Variants in CNTN4 observed in about 807,000 individuals in gnomAD.
CNTN4 encodes contactin-4.
Under a neutral mutation model 122.5 loss-of-function variants are expected in CNTN4, and 77 were observed. The observed-to-expected ratio is 0.63, with a 90% CI of 0.52 to 0.76. The LOEUF (loss-of-function observed/expected upper bound fraction) is 0.76, where lower values mean the gene tolerates loss of function less well. Ranked by LOEUF, CNTN4 falls within the 30% of genes least tolerant of loss-of-function variation. The pLI is 0.00. For missense variants in CNTN4, 1,256 were observed against 1,259.1 expected (o/e 1.00, Z 0.04); for synonymous variants, 512 against 447.0 (o/e 1.15, Z -1.83).
At position 2,692,029 on chromosome 3, in the gene CNTN4, T is replaced by C. The variant is rs552583801; in HGVS notation, c.56-44186T>C. On this transcript the variant is annotated intron_variant, in intron 4 of 24. Transcript: ENST00000418658. ...ATGTCAACACCCTGCGTCCTTGTTA[T>C]TGTTAGGCAGCAGTATGCAATCCAC... is the stretch of plus-strand genomic sequence containing the variant. Among the ~76,000 whole-genome samples, 19 of 152,328 alleles carry C rather than the reference T, an allele frequency of 1.2e-4. No homozygotes were observed. In the South Asian group the frequency reaches 3.5e-3, roughly 28 times the overall value.
intron 3 of CNTN4, among the ~76,000 whole-genome samples, chr3:2,570,693 C>T (rs895885698): frequency 6.6e-6 from 1 of 152,186 alleles, no homozygotes; most frequent in Non-Finnish European, 1.5e-5. Context: ...CACAGCTTCA[C>T]TCAGTTACTC....
intron 2 of CNTN4, among the ~76,000 whole-genome samples, chr3:2,224,198 A>G (rs911094018): frequency 2.0e-5 from 3 of 152,126 alleles, no homozygotes; most frequent in Non-Finnish European, 4.4e-5. Context: ...ATGCCAAAGA[A>G]ATATATTTTA....
chr3:2,915,438 C>T (rs188249765), intron 12 of CNTN4, among the ~76,000 whole-genome samples: 4 of 152,294 alleles, frequency 2.6e-5, no homozygotes, highest in Non-Finnish European at 4.4e-5. Context: ...TAATGAAAGC[C>T]TTATATGAAA....
At chr3:2,222,680 A>G (rs1021336152) in intron 2 of CNTN4, among the ~76,000 whole-genome samples, 15 of 152,114 alleles carry the variant, frequency 9.9e-5, no homozygotes, top group African/African-American at 2.9e-4. Context: ...CACACACCCC[A>G]GGGTACCAAA....
At chr3:2,472,141 G>A (rs1435037288) in intron 3 of CNTN4, among the ~76,000 whole-genome samples, 3 of 135,818 alleles carry the variant, frequency 2.2e-5, no homozygotes, top group Non-Finnish European at 3.1e-5. Context: ...CAACAAGAGC[G>A]AAATTCCATC....
intron 2 of CNTN4, among the ~76,000 whole-genome samples, chr3:2,255,263 G>C (rs1158405970): frequency 1.3e-5 from 2 of 151,670 alleles, no homozygotes; most frequent in Non-Finnish European, 2.9e-5. Flanking sequence ...TTTGGTACCA[G>C]TACCGTGCTG....
At chr3:2,407,311 T>G (rs1465657556) in intron 3 of CNTN4, among the ~76,000 whole-genome samples, 1 of 152,316 alleles carries the variant, frequency 6.6e-6, no homozygotes, top group South Asian at 2.1e-4. Flanking sequence ...AAATACCTTC[T>G]GAGAAACCCA....
chr3:2,951,332 G>A lies in CNTN4; in HGVS notation c.1358+25553G>A, dbSNP rs1202422655. Among the ~76,000 whole-genome samples, 6 of 152,292 alleles carry A rather than the reference G, an allele frequency of 3.9e-5. No homozygotes were observed. The East Asian group carries it at 9.6e-4, about 24-fold the overall frequency. On this transcript the variant is annotated intron_variant, in intron 13 of 24. Coordinates refer to ENST00000418658, the MANE Select transcript of CNTN4 (RefSeq NM_175607.3). ...GGCATTAGATTCTCATAAGGGGCAT[G>A]CAACCTCTAGATCCCTCAAATGCAC...
chr3:2,828,253 A>G (rs1206925932), intron 7 of CNTN4, among the ~76,000 whole-genome samples: 3 of 152,116 alleles, frequency 2.0e-5, no homozygotes, highest in Non-Finnish European at 4.4e-5. Flanking sequence ...CTTGGCCACC[A>G]CTGAGAGAGC....
chr3:3,027,434 G>A (rs1698821382), intron 15 of CNTN4, among the ~76,000 whole-genome samples: 1 of 152,124 alleles, frequency 6.6e-6, no homozygotes, highest in African/African-American at 2.4e-5. Flanking sequence ...TCTTTCACAT[G>A]GTTCAGCTTA....
At chr3:2,727,988 C>G (rs1424313909) in intron 4 of CNTN4, among the ~76,000 whole-genome samples, 1 of 152,164 alleles carries the variant, frequency 6.6e-6, no homozygotes, top group African/African-American at 2.4e-5. Context: ...AGCTGAACAA[C>G]CAAATAGAAT....
intron 4 of CNTN4, among the ~76,000 whole-genome samples, chr3:2,639,500 C>T (rs116662686): frequency 0.017 from 2,598 of 152,306 alleles, 63 homozygotes; most frequent in African/African-American, 0.059. Context: ...ATGGAGCTCC[C>T]TTACCCTGTT....
At chr3:3,020,927 G>T (rs1375147913) in intron 14 of CNTN4, among the ~76,000 whole-genome samples, 1 of 152,170 alleles carries the variant, frequency 6.6e-6, no homozygotes, top group African/African-American at 2.4e-5. Flanking sequence ...TTCCTAGTAA[G>T]CTGTAGTCTG....
intron 2 of CNTN4, among the ~76,000 whole-genome samples, chr3:2,125,716 C>T (rs1297009250): frequency 6.6e-6 from 1 of 151,796 alleles, no homozygotes; most frequent in Non-Finnish European, 1.5e-5. Context: ...TGCCACCATG[C>T]CCGGCAAATT....
At chr3:2,507,482 C>T (rs1376872053) in intron 3 of CNTN4, among the ~76,000 whole-genome samples, 1 of 151,822 alleles carries the variant, frequency 6.6e-6, no homozygotes, top group African/African-American at 2.4e-5. Context: ...CTGGTAGGCC[C>T]GATCACTCTG....
intron 13 of CNTN4, among the ~76,000 whole-genome samples, chr3:2,981,276 C>G (rs945300579): frequency 6.6e-6 from 1 of 151,954 alleles, no homozygotes; most frequent in African/African-American, 2.4e-5. Flanking sequence ...AACCCCGTCT[C>G]TACTAAAAAT....
chr3:2,770,445 G>A (rs1181564031), intron 6 of CNTN4, among the ~76,000 whole-genome samples: 2 of 152,204 alleles, frequency 1.3e-5, no homozygotes, highest in East Asian at 1.9e-4. Flanking sequence ...GAGGGCCAAG[G>A]GCCCTCAGCT....
At chr3:3,045,013 C>T (rs898892283) in intron 23 of CNTN4, among the ~76,000 whole-genome samples, 10 of 152,226 alleles carry the variant, frequency 6.6e-5, no homozygotes, top group Admixed American at 5.2e-4. Flanking sequence ...TCAGAGGGTC[C>T]CATGCCCACA....
intron 3 of CNTN4, among the ~76,000 whole-genome samples, chr3:2,548,529 T>C (rs925253986): frequency 7.2e-5 from 11 of 152,252 alleles, no homozygotes; most frequent in African/African-American, 2.2e-4. Flanking sequence ...ATTCCATTGG[T>C]CTATATATCC....
Sources: gnomAD v4.1 joint callset for allele counts (sites outside exome capture counted in the v4.1 genomes callset) on GRCh38, gnomAD v4.1.1 for gene constraint, MANE v1.5 for transcripts, NCBI Gene and HGNC (gene_info 2026-07-23, HGNC 2026-07-21) for gene names.